Variants in TAS2R1 observed in about 807,000 individuals in gnomAD.
TAS2R1 encodes the protein taste 2 receptor member 1.
For synonymous variants in TAS2R1, 141 were observed against 134.2 expected, an observed-to-expected ratio of 1.05 and a Z score of -0.35; for missense variants, 370 against 353.4, an observed-to-expected ratio of 1.05 and a Z score of -0.38.
chr5:9,768,296 C>T, the TAS2R1 span, among the ~76,000 whole-genome samples: 6 of 152,194 alleles, frequency 3.9e-5, no homozygotes, highest in African/African-American at 1.2e-4. Context: ...CTCTCTCACA[C>T]ATTTGCTCTG....
chr5:9,702,489 G>A (rs1285958208), intron 1 of TAS2R1, among the ~76,000 whole-genome samples: 1 of 152,094 alleles, frequency 6.6e-6, no homozygotes, highest in Admixed American at 6.6e-5. Context: ...TGCCGAGGGG[G>A]AAAATCTATG....
the TAS2R1 span, among the ~76,000 whole-genome samples, chr5:9,864,872 A>G: frequency 6.6e-6 from 1 of 152,144 alleles, no homozygotes; most frequent in Admixed American, 6.5e-5. Flanking sequence ...GGAAAGGGAG[A>G]CAGAGGCCAC....
At chr5:9,722,276 C>A in the TAS2R1 span, among the ~76,000 whole-genome samples, 1 of 152,210 alleles carries the variant, frequency 6.6e-6, no homozygotes, top group Non-Finnish European at 1.5e-5. Context: ...AGCTTCTGCA[C>A]CCAACTTAAC....
chr5:9,795,767 G>A, the TAS2R1 span, among the ~76,000 whole-genome samples: 8 of 152,130 alleles, frequency 5.3e-5, no homozygotes, highest in African/African-American at 1.7e-4. Flanking sequence ...CCTGATCCTT[G>A]TGCTCAGAGG....
chr5:9,722,042 A>T, the TAS2R1 span, among the ~76,000 whole-genome samples: 1 of 151,808 alleles, frequency 6.6e-6, no homozygotes, highest in Non-Finnish European at 1.5e-5. Context: ...TTCCTTATTA[A>T]TCTCTCTCTC....
chr5:9,816,157 T>TC, the TAS2R1 span, among the ~76,000 whole-genome samples: 1 of 152,168 alleles, frequency 6.6e-6, no homozygotes, highest in Admixed American at 6.5e-5. Context: ...AGTGACTATT[T>TC]TATGATCCAC....
chr5:9,887,927 G>A, the TAS2R1 span, among the ~76,000 whole-genome samples: 13 of 152,114 alleles, frequency 8.5e-5, no homozygotes, highest in African/African-American at 3.1e-4. Context: ...AGCAGGTGGG[G>A]AGTAGGCAGG....
chr5:9,847,653 G>A, the TAS2R1 span, among the ~76,000 whole-genome samples: 1 of 152,218 alleles, frequency 6.6e-6, no homozygotes, highest in South Asian at 2.1e-4. Context: ...CAAGCCAGCT[G>A]GAGTTGGTGC....
At chr5:9,749,088 T>G in the TAS2R1 span, among the ~76,000 whole-genome samples, 1 of 152,208 alleles carries the variant, frequency 6.6e-6, no homozygotes, top group African/African-American at 2.4e-5. Flanking sequence ...TTTTCCAGAT[T>G]TAAAGTTTTC....
intron 1 of TAS2R1, among the ~76,000 whole-genome samples, chr5:9,664,438 A>C (rs1011175693): frequency 6.6e-6 from 1 of 152,212 alleles, no homozygotes; most frequent in Admixed American, 6.5e-5. Flanking sequence ...AGCCATGCAC[A>C]GTCCCTCCCC....
At chr5:9,875,397 TAGAAAA>T in the TAS2R1 span, among the ~76,000 whole-genome samples, 2 of 152,254 alleles carry the variant, frequency 1.3e-5, no homozygotes, top group African/African-American at 4.8e-5. Flanking sequence ...AGGTTTAGAC[TAGAAAA>T]AGAAAGAGTC....
upstream of TAS2R1, among the ~76,000 whole-genome samples, chr5:9,634,355 A>T (rs1228146426): frequency 6.6e-6 from 1 of 152,122 alleles, no homozygotes; most frequent in Non-Finnish European, 1.5e-5. Context: ...TTTTTAGCAT[A>T]GTTTGAAGTC....
At chr5:9,681,293 T>C (rs970097160) in intron 1 of TAS2R1, among the ~76,000 whole-genome samples, 1 of 151,816 alleles carries the variant, frequency 6.6e-6, no homozygotes, top group African/African-American at 2.4e-5. Context: ...GTGGGGCATA[T>C]GGGGACCCTC....
intron 1 of TAS2R1, among the ~76,000 whole-genome samples, chr5:9,667,399 C>A (rs1387289553): frequency 6.6e-6 from 1 of 152,204 alleles, no homozygotes; most frequent in Non-Finnish European, 1.5e-5. Flanking sequence ...ACCTGGATTG[C>A]AGGACGGGCA....
Position 9,709,734 on chromosome 5 carries a change from C to G in TAS2R1, c.-242+2438G>C, listed in dbSNP as rs1488593787. Among the ~76,000 whole-genome samples the G allele has an allele frequency of 2.0e-5, 3 of 152,166 alleles. No individual in the cohort carries two copies. In the East Asian group the frequency reaches 5.8e-4, roughly 29 times the overall value. Reference sequence around the variant, plus strand: ...GCACAAGTGATCTTGGAGGTGAATCCCCACCCAAGTCAAGCCCTCAGCTAA... The same window carrying G: ...GCACAAGTGATCTTGGAGGTGAATCGCCACCCAAGTCAAGCCCTCAGCTAA... On this transcript the variant is annotated intron_variant, in intron 1 of 2. Transcript: ENST00000506620.
intron 1 of TAS2R1, among the ~76,000 whole-genome samples, chr5:9,696,801 G>A (rs952866054): frequency 6.6e-6 from 1 of 151,886 alleles, no homozygotes; most frequent in African/African-American, 2.4e-5. Context: ...ATCACCTGAG[G>A]TTGGGAGTTT....
At chr5:9,705,419 A>G (rs1227511238) in intron 1 of TAS2R1, among the ~76,000 whole-genome samples, 1 of 152,226 alleles carries the variant, frequency 6.6e-6, no homozygotes, top group African/African-American at 2.4e-5. Context: ...ACTGCTTCAG[A>G]TAAGTAAACT....
the TAS2R1 span, among the ~76,000 whole-genome samples, chr5:9,750,235 C>G: frequency 3.3e-5 from 5 of 152,144 alleles, no homozygotes; most frequent in African/African-American, 1.2e-4. Context: ...CCTATCTCTT[C>G]CACTCTCTGC....
the TAS2R1 span, among the ~76,000 whole-genome samples, chr5:9,729,408 C>A: frequency 6.6e-6 from 1 of 152,106 alleles, no homozygotes; most frequent in African/African-American, 2.4e-5. Flanking sequence ...CACTGCTGCT[C>A]GTGGCTCTTT....
Sources: gnomAD v4.1 joint callset for allele counts (sites outside exome capture counted in the v4.1 genomes callset) on GRCh38, gnomAD v4.1.1 for gene constraint, MANE v1.5 for transcripts, NCBI Gene and HGNC (gene_info 2026-07-23, HGNC 2026-07-21) for gene names.